Variants in CD2AP observed in about 807,000 individuals in gnomAD.
The protein encoded by CD2AP is CD2-associated protein.
In CD2AP, 46 loss-of-function variants were observed where a neutral mutation model predicts 85.1. The observed-to-expected ratio is 0.54, with a 90% CI of 0.43 to 0.69. The LOEUF is 0.69. Ranked by LOEUF, CD2AP falls within the 30% of genes least tolerant of loss-of-function variation. The pLI is 0.00. For missense variants in CD2AP, 769 were observed against 729.5 expected, an observed-to-expected ratio of 1.05 and a Z score of -0.62; for synonymous variants, 255 against 252.9, an observed-to-expected ratio of 1.01 and a Z score of -0.08.
intron 3 of CD2AP, among the ~76,000 whole-genome samples, chr6:47,542,688 A>G (rs192783667): frequency 2.6e-5 from 4 of 152,306 alleles, no homozygotes; most frequent in Admixed American, 2.0e-4. Flanking sequence ...AATTTATACT[A>G]TCTTCATTAC....
intron 3 of CD2AP, among the ~76,000 whole-genome samples, chr6:47,542,702 G>C (rs2114041235): frequency 6.6e-6 from 1 of 152,136 alleles, no homozygotes; most frequent in East Asian, 1.9e-4. Context: ...TCATTACCTA[G>C]TCTCAGGTAT....
At chr6:47,480,637 A>C (rs941342546) in intron 1 of CD2AP, among the ~76,000 whole-genome samples, 3 of 152,232 alleles carry the variant, frequency 2.0e-5, no homozygotes, top group South Asian at 4.1e-4. Flanking sequence ...GGAGGATTGA[A>C]TGAGTTACTA....
Position 47,554,647 on chromosome 6 carries a change from T to C in CD2AP, c.422T>C (p.Val141Ala), listed in dbSNP as rs780705647. ...CTTTTGAATTGTGAACTTTTTCAGG[T>C]AGAAGAAGGCTGGTGGAGTGGAACC... ...VGDIIDINEEVEEGWWSGTLN... is the reference protein window; with the variant it reads ...VGDIIDINEEAEEGWWSGTLN... Residue 141 changes from valine (V) to alanine (A), a missense_variant and splice_region_variant, in exon 5 of 18, where the codon GTA becomes GCA. Val to Ala is a moderately conservative substitution (Grantham distance 64). Transcript: ENST00000359314. 2 of 1,613,636 alleles carry C rather than the reference T, an allele frequency of 1.2e-6. No individual in the cohort carries two copies. The highest frequency in any genetic ancestry group is 2.2e-5 in the East Asian group (1 of 44,798).
At chr6:47,549,370 T>C (rs1396751540) in intron 4 of CD2AP, among the ~76,000 whole-genome samples, 3 of 149,822 alleles carry the variant, frequency 2.0e-5, no homozygotes, top group Non-Finnish European at 4.4e-5. Context: ...GGGTACACAA[T>C]TAATGTACAC....
intron 5 of CD2AP, among the ~76,000 whole-genome samples, chr6:47,561,435 T>A (rs1358629972): frequency 6.6e-6 from 1 of 152,146 alleles, no homozygotes; most frequent in Non-Finnish European, 1.5e-5. Flanking sequence ...GAACCTTCCC[T>A]ACCCTAGTCT....
intron 17 of CD2AP, among the ~76,000 whole-genome samples, chr6:47,617,487 TGTCCCCA>T (rs919852587): frequency 1.3e-5 from 2 of 152,202 alleles, no homozygotes; most frequent in Admixed American, 6.5e-5. Context: ...AGATTTAGCA[TGTCCCCA>T]GTTAAATTTA....
chr6:47,608,484 A>T (rs912927448), intron 15 of CD2AP, among the ~76,000 whole-genome samples: 10 of 152,170 alleles, frequency 6.6e-5, no homozygotes, highest in Middle Eastern at 3.2e-3. Context: ...TATTTAACAT[A>T]GTTTCACTAC....
intron 11 of CD2AP, among the ~76,000 whole-genome samples, chr6:47,583,068 C>A (rs1474916897): frequency 3.3e-5 from 5 of 152,134 alleles, no homozygotes; most frequent in African/African-American, 4.8e-5. Context: ...CAGGTGTGAG[C>A]CTCCGTGCCT....
At chr6:47,574,424 T>C (rs1768247011) in intron 6 of CD2AP, among the ~76,000 whole-genome samples, 173 bp downstream of exon 6, 1 of 152,074 alleles carries the variant, frequency 6.6e-6, no homozygotes, top group Non-Finnish European at 1.5e-5. Flanking sequence ...CAATGATTAA[T>C]ATTCATGTTT....
intron 1 of CD2AP, 93 bp from the exon 2 acceptor site, chr6:47,503,187 C>G: frequency 8.3e-7 from 1 of 1,199,704 alleles, no homozygotes; most frequent in Non-Finnish European, 1.2e-6. Context: ...AATATTGTTG[C>G]TAAACAGATT....
intron 5 of CD2AP, among the ~76,000 whole-genome samples, chr6:47,567,266 G>A (rs1411788633): frequency 4.6e-5 from 7 of 151,952 alleles, no homozygotes; most frequent in South Asian, 2.1e-4. Flanking sequence ...TAATATGTGC[G>A]TATACTAGCA....
At chr6:47,603,009 G>A (rs576507174) in intron 13 of CD2AP, among the ~76,000 whole-genome samples, 171 of 152,102 alleles carry the variant, frequency 1.1e-3, no homozygotes, top group Non-Finnish European at 1.9e-3. Flanking sequence ...TTGATATTTG[G>A]TAGTTGATCT....
intron 1 of CD2AP, among the ~76,000 whole-genome samples, chr6:47,496,659 T>C (rs1562003226): frequency 6.6e-6 from 1 of 152,226 alleles, no homozygotes; most frequent in Admixed American, 6.5e-5. Flanking sequence ...TAAAAAATAC[T>C]AAATGACTTA....
intron 11 of CD2AP, among the ~76,000 whole-genome samples, chr6:47,585,820 G>A (rs1768612722): frequency 6.6e-6 from 1 of 152,184 alleles, no homozygotes; most frequent in Non-Finnish European, 1.5e-5. Context: ...TTTTCCATGA[G>A]CCAGAGTAGA....
rs60486147 is a variant in CD2AP, at chr6:47,624,679, C to CTGTGTG, written c.*490_*495dup. 5,097 of 121,188 alleles carry CTGTGTG rather than the reference C, an allele frequency of 0.042. 125 individuals carry two copies. Among genetic ancestry groups the CTGTGTG allele is most frequent in the African/African-American group, 0.049 (1,358 of 27,530 alleles). 7.5% of individuals were successfully genotyped at this position (121,188 alleles called of 1,614,324 possible). On this transcript the variant is annotated 3_prime_UTR_variant, in exon 18 of 18. Transcript: ENST00000359314. Reference sequence around the variant, plus strand: ...CCATAATGCATAAGGGATATAAACTCTGTGTGTGTGTGTGTGTGTGTGTGT... The same window carrying CTGTGTG: ...CCATAATGCATAAGGGATATAAACTCTGTGTGTGTGTGTGTGTGTGTGTGTGTGTGT...
chr6:47,559,393 G>A (rs921172540), intron 5 of CD2AP, among the ~76,000 whole-genome samples: 1 of 151,522 alleles, frequency 6.6e-6, no homozygotes, highest in Non-Finnish European at 1.5e-5. Flanking sequence ...CAAGTAGCTG[G>A]GACTGTAGGT....
At chr6:47,589,565 CAT>C (rs1554182282) in intron 11 of CD2AP, among the ~76,000 whole-genome samples, 17 of 120,974 alleles carry the variant, frequency 1.4e-4, no homozygotes, top group African/African-American at 3.0e-4. Context: ...CACACACACA[CAT>C]ATATATATAT....
intron 4 of CD2AP, among the ~76,000 whole-genome samples, chr6:47,549,949 A>G (rs1562027279): frequency 6.6e-6 from 1 of 152,136 alleles, no homozygotes; most frequent in African/African-American, 2.4e-5. Context: ...AACAAAAACA[A>G]AAAGTGGGGA....
At chr6:47,589,421 C>T (rs1270602692) in intron 11 of CD2AP, among the ~76,000 whole-genome samples, 2 of 66,278 alleles carry the variant, frequency 3.0e-5, no homozygotes, top group African/African-American at 1.0e-4. Context: ...CATATATATA[C>T]ACAAATATAC....
Sources: allele counts gnomAD v4.1 joint callset (sites outside exome capture counted in the v4.1 genomes callset), GRCh38; gene constraint gnomAD v4.1.1; transcripts MANE v1.5; gene names NCBI Gene and HGNC (gene_info 2026-07-23, HGNC 2026-07-21).